NOX4: variants seen among roughly 807,000 people sequenced by gnomAD.
The protein encoded by NOX4 is NADPH oxidase 4.
In NOX4, 69 loss-of-function variants were observed where a neutral mutation model predicts 87.6. The ratio of observed to expected loss-of-function variants is 0.79; its 90% confidence interval spans 0.65 to 0.96. NOX4 has a LOEUF of 0.96. NOX4 is among the 40% of genes least tolerant of loss of function. The probability of loss-of-function intolerance (pLI) is 0.00; values close to 1 mark genes in which losing one functional copy is unlikely to be tolerated. For synonymous variants in NOX4, 275 were observed against 238.2 expected, an observed-to-expected ratio of 1.15 and a Z score of -1.42; for missense variants, 680 against 681.5, an observed-to-expected ratio of 1.00 and a Z score of 0.02.
intron 17 of NOX4, among the ~76,000 whole-genome samples, chr11:89,329,369 A>G (rs1220379843): frequency 1.5e-5 from 2 of 137,602 alleles, no homozygotes; most frequent in African/African-American, 3.0e-5. Context: ...AAAAAAAAAA[A>G]AAAAAAGAAC....
chr11:89,540,601 C>T, the NOX4 span, among the ~76,000 whole-genome samples: 1 of 151,554 alleles, frequency 6.6e-6, no homozygotes, highest in South Asian at 2.1e-4. Flanking sequence ...TCCTGGCTAA[C>T]ACGGTGAAAT....
the NOX4 span, chr11:89,576,764 T>C: frequency 1.3e-5 from 2 of 152,184 alleles, no homozygotes; most frequent in Non-Finnish European, 2.9e-5. Context: ...TCTATTAATA[T>C]ACAGAGTAAG....
the NOX4 span, among the ~76,000 whole-genome samples, chr11:89,547,379 A>C: frequency 1.1e-4 from 17 of 152,320 alleles, no homozygotes; most frequent in Non-Finnish European, 2.1e-4. Context: ...ATACTCATGG[A>C]ATAATAATTT....
In NOX4 at chr11:89,432,819, T is replaced by C; in HGVS notation, c.513A>G (p.Leu171=). The C allele has an allele frequency of 2.5e-6, 4 of 1,611,710 alleles. No individual in the cohort carries two copies. The highest frequency in any genetic ancestry group is 3.4e-6 in the Non-Finnish European group (4 of 1,178,456). Residue 171 remains leucine, a synonymous_variant, in exon 7 of 18, where the codon CTA becomes CTG. Coordinates refer to ENST00000263317, the MANE Select transcript of NOX4 (RefSeq NM_016931.5). ...GLTGVCMVVV[L]FLMITASTYA... ...ATGTAGAGGCTGTGATCATGAGGAA[T>C]AGCACCACCACCATGCAGACCCCTG...
intron 12 of NOX4, among the ~76,000 whole-genome samples, chr11:89,358,332 G>A (rs1219032964): frequency 2.8e-5 from 4 of 141,060 alleles, no homozygotes; most frequent in Non-Finnish European, 4.5e-5. Context: ...GTTGCAGTGA[G>A]CTGAGATCAT....
chr11:89,429,486 G>T (rs541430671), intron 7 of NOX4, among the ~76,000 whole-genome samples: 1 of 152,218 alleles, frequency 6.6e-6, no homozygotes, highest in Admixed American at 6.5e-5. Flanking sequence ...GAAGAAAAGA[G>T]AGAAGAATCA....
chr11:89,453,877 A>G (rs1435866490), intron 2 of NOX4, among the ~76,000 whole-genome samples: 2 of 152,184 alleles, frequency 1.3e-5, no homozygotes, highest in Admixed American at 1.3e-4. Flanking sequence ...CAGAAGGCAC[A>G]TATTAGGTAA....
chr11:89,419,632 AATTG>A (rs903681612), intron 8 of NOX4, among the ~76,000 whole-genome samples: 3 of 151,822 alleles, frequency 2.0e-5, no homozygotes, highest in Non-Finnish European at 2.9e-5. Context: ...TTAGTTTAAT[AATTG>A]ATTGATTATA....
chr11:89,430,418 C>T (rs1943714940), intron 7 of NOX4, among the ~76,000 whole-genome samples: 1 of 152,156 alleles, frequency 6.6e-6, no homozygotes, highest in South Asian at 2.1e-4. Flanking sequence ...CAAATCGTCC[C>T]TGTTTGCAGA....
At chr11:89,383,595 A>C (rs111246512) in intron 11 of NOX4, among the ~76,000 whole-genome samples, 1 of 152,122 alleles carries the variant, frequency 6.6e-6, no homozygotes, top group African/African-American at 2.4e-5. Flanking sequence ...TTTCAAGGGC[A>C]TGTTTCCCTT....
chr11:89,377,620 G>A (rs576145209), intron 11 of NOX4, among the ~76,000 whole-genome samples: 18 of 152,150 alleles, frequency 1.2e-4, no homozygotes, highest in African/African-American at 4.3e-4. Flanking sequence ...TAAAAATGAT[G>A]TAACTGCACA....
the NOX4 span, among the ~76,000 whole-genome samples, chr11:89,573,400 G>A: frequency 1.3e-5 from 2 of 152,256 alleles, no homozygotes; most frequent in South Asian, 2.1e-4. Context: ...TTAGCCAGGC[G>A]TGGTGGCGGA....
chr11:89,340,972 A>C (rs879930610), intron 14 of NOX4, among the ~76,000 whole-genome samples: 9 of 151,676 alleles, frequency 5.9e-5, no homozygotes, highest in Non-Finnish European at 1.3e-4. Context: ...TTGGTTCTGC[A>C]AAAAAAATAG....
chr11:89,334,148 CA>C (rs200821120), intron 17 of NOX4, among the ~76,000 whole-genome samples: 2 of 151,450 alleles, frequency 1.3e-5, no homozygotes, highest in Admixed American at 1.3e-4. Context: ...TGAAAATCAA[CA>C]AAAAAATTCT....
At chr11:89,581,046 A>G in the NOX4 span, among the ~76,000 whole-genome samples, 1 of 152,238 alleles carries the variant, frequency 6.6e-6, no homozygotes, top group Non-Finnish European at 1.5e-5. Context: ...ATAAAAGTGC[A>G]GAAAATAATA....
intron 2 of NOX4, among the ~76,000 whole-genome samples, chr11:89,453,908 T>TTGA (rs1412567062): frequency 1.3e-5 from 2 of 152,166 alleles, no homozygotes; most frequent in East Asian, 3.9e-4. Context: ...GTTGAATGAC[T>TTGA]TGATGAATGA....
chr11:89,522,273 T>C, the NOX4 span, among the ~76,000 whole-genome samples: 872 of 152,072 alleles, frequency 5.7e-3, 8 homozygotes, highest in African/African-American at 0.02. Context: ...ATGGAATCAA[T>C]GTAGGTAGAT....
At chr11:89,467,019 G>A (rs1181538694) in intron 2 of NOX4, among the ~76,000 whole-genome samples, 2 of 152,052 alleles carry the variant, frequency 1.3e-5, no homozygotes, top group African/African-American at 4.8e-5. Flanking sequence ...GAAGCTAATT[G>A]GGGGGAGCTC....
Position 89,452,293 on chromosome 11 carries a change from G to C in NOX4, c.154-398C>G, listed in dbSNP as rs142893386. ...CACTGATAAGGTCACAGTTTTAAAT[G>C]ACATTTTTCTCATGTGTTCTCTCTC... On this transcript the variant is annotated intron_variant, in intron 2 of 17. Transcript: ENST00000263317. Among the ~76,000 whole-genome samples the C allele has an allele frequency of 2.4e-3, 362 of 152,206 alleles. 2 individuals are homozygous for C. Among genetic ancestry groups the C allele is most frequent in the Non-Finnish European group, 4.2e-3 (288 of 68,006 alleles).
Sources: allele counts gnomAD v4.1 joint callset (sites outside exome capture counted in the v4.1 genomes callset), GRCh38; gene constraint gnomAD v4.1.1; transcripts MANE v1.5; gene names NCBI Gene and HGNC (gene_info 2026-07-23, HGNC 2026-07-21).